Variants in FOXK2 observed in about 807,000 individuals in gnomAD.
FOXK2 encodes the protein forkhead box protein K2.
Under a neutral mutation model 53.3 loss-of-function variants are expected in FOXK2, and 24 were observed. That is an observed-to-expected ratio of 0.45 (90% CI 0.33 to 0.63). FOXK2 has a LOEUF of 0.63. FOXK2 is among the 30% of genes least tolerant of loss of function. FOXK2 has a pLI of 0.03. For synonymous variants in FOXK2, 505 were observed against 407.1 expected (o/e 1.24, Z -2.89); for missense variants, 952 against 910.5 (o/e 1.05, Z -0.59).
At chr17:82,592,786 TGA>T (rs2045265153) in intron 8 of FOXK2, among the ~76,000 whole-genome samples, 1 of 152,184 alleles carries the variant, frequency 6.6e-6, no homozygotes, top group Non-Finnish European at 1.5e-5. Context: ...CGCTTCGCAG[TGA>T]GAGTGAAATG....
intron 1 of FOXK2, chr17:82,559,282 C>T (rs1218262188): frequency 4.6e-6 from 2 of 438,568 alleles, no homozygotes; most frequent in South Asian, 1.6e-5. Flanking sequence ...TGAGGTTGCG[C>T]GGTTGGTGCT....
intron 4 of FOXK2, among the ~76,000 whole-genome samples, chr17:82,581,568 C>G (rs561572313): frequency 1.3e-5 from 2 of 151,822 alleles, no homozygotes; most frequent in South Asian, 4.2e-4. Flanking sequence ...CTCTGCCTCC[C>G]GGGTTCACAC....
chr17:82,526,424 T>C (rs1599876353), intron 1 of FOXK2, among the ~76,000 whole-genome samples: 1 of 151,346 alleles, frequency 6.6e-6, no homozygotes, highest in Non-Finnish European at 1.5e-5. Flanking sequence ...GGAGTGGAGG[T>C]AGAAGGAGTG....
At chr17:82,574,204 C>T (rs1248013319) in intron 4 of FOXK2, among the ~76,000 whole-genome samples, 1 of 152,204 alleles carries the variant, frequency 6.6e-6, no homozygotes, top group Non-Finnish European at 1.5e-5. Flanking sequence ...ACAGCTGCAT[C>T]TCTTTCCCCA....
chr17:82,524,740 G>A (rs886588297), intron 1 of FOXK2, among the ~76,000 whole-genome samples: 4 of 152,216 alleles, frequency 2.6e-5, no homozygotes, highest in Admixed American at 2.6e-4. Flanking sequence ...GTGTTCCTGG[G>A]AGACTGGAGG....
intron 1 of FOXK2, among the ~76,000 whole-genome samples, chr17:82,552,325 C>G (rs887015653): frequency 6.6e-6 from 1 of 152,208 alleles, no homozygotes; most frequent in African/African-American, 2.4e-5. Context: ...CTCTCCCTCT[C>G]CTTAAACATT....
intron 1 of FOXK2, among the ~76,000 whole-genome samples, chr17:82,522,262 C>T (rs2044370876): frequency 6.6e-6 from 1 of 151,764 alleles, no homozygotes; most frequent in Non-Finnish European, 1.5e-5. Flanking sequence ...TTTGAAGTTG[C>T]TGTGAGCTAT....
intron 1 of FOXK2, among the ~76,000 whole-genome samples, chr17:82,562,830 G>A (rs576863728): frequency 1.3e-5 from 2 of 151,360 alleles, no homozygotes; most frequent in East Asian, 3.9e-4. Context: ...TTGGTCGGGG[G>A]AGACAGGGCC....
At position 82,601,373 on chromosome 17, in the gene FOXK2, C is replaced by A. The variant is rs1280083194; in HGVS notation, c.1857C>A (p.His619Gln). Residue 619 changes from histidine (H) to glutamine (Q), a missense_variant, in exon 9 of 9, where the codon CAC (histidine) becomes CAA (glutamine). His to Gln is a conservative substitution (Grantham distance 24). Coordinates refer to ENST00000335255, the MANE Select transcript of FOXK2 (RefSeq NM_004514.4). ...CGGCCTCCCTGCCCACAAAGCGCCACAACGGTGACCAGCCGGAGCAGCCGG... is the reference window on the plus strand; with the variant it reads ...CGGCCTCCCTGCCCACAAAGCGCCAAAACGGTGACCAGCCGGAGCAGCCGG... The part of the protein sequence containing the change: ...SASASLPTKR[H>Q]NGDQPEQPEL... The A allele has an allele frequency of 6.2e-7, 1 of 1,613,404 alleles. No individual in the cohort carries two copies. Among genetic ancestry groups the A allele is most frequent in the East Asian group, 2.2e-5 (1 of 44,878 alleles).
At chr17:82,596,794 T>C (rs189287177) in intron 8 of FOXK2, among the ~76,000 whole-genome samples, 56 of 152,322 alleles carry the variant, frequency 3.7e-4, no homozygotes, top group African/African-American at 1.3e-3. Flanking sequence ...TCTCTGCCGA[T>C]CTCCTTGATT....
chr17:82,585,965 C>G lies in FOXK2; in HGVS notation c.1341C>G (p.Ile447Met). 1.2e-6 allele frequency: 2 copies of G among 1,612,802 alleles called. No individual in the cohort carries two copies. Among genetic ancestry groups the G allele is most frequent in the South Asian group, 1.1e-5 (1 of 91,090 alleles). The change falls in exon 7 of 9, where the codon ATC becomes ATG. Residue 447 changes from isoleucine (I) to methionine (M), a missense_variant. Physicochemically the swap from Ile to Met is conservative, Grantham distance 10. This residue lies in a region of FOXK2 where 551 missense variants were observed against 385.1 expected (regional missense o/e 1.43). Coordinates refer to ENST00000335255, the MANE Select transcript of FOXK2 (RefSeq NM_004514.4). ...TCCAGCGGCAGCTACCACAGGCCAT[C>G]AAGCCTGTCACCTACACTGTGGCCA... ...ITVQRQLPQA[I>M]KPVTYTVATP... is the part of the protein sequence containing the mutation.
At chr17:82,571,217 AT>A (rs2044913960) in intron 3 of FOXK2, among the ~76,000 whole-genome samples, 1 of 151,924 alleles carries the variant, frequency 6.6e-6, no homozygotes, top group East Asian at 1.9e-4. Context: ...TGACATTTGG[AT>A]TTTTTCCTTA....
intron 1 of FOXK2, among the ~76,000 whole-genome samples, chr17:82,557,128 G>A (rs1414367574): frequency 6.6e-6 from 1 of 151,446 alleles, no homozygotes. Flanking sequence ...CACCTCCCAG[G>A]CTCAAGCAAT....
intron 1 of FOXK2, among the ~76,000 whole-genome samples, chr17:82,533,699 A>G (rs1477561433): frequency 6.6e-6 from 1 of 152,084 alleles, no homozygotes; most frequent in African/African-American, 2.4e-5. Context: ...TTTCAGCTCC[A>G]TCATAATCTT....
At chr17:82,536,380 C>T (rs1220550639) in intron 1 of FOXK2, among the ~76,000 whole-genome samples, 2 of 152,176 alleles carry the variant, frequency 1.3e-5, no homozygotes, top group African/African-American at 4.8e-5. Flanking sequence ...AACGCAGTAG[C>T]TCTGGAAATC....
At chr17:82,593,575 C>CCGGCCCCACAGAGGAATTA (rs1197903378) in intron 8 of FOXK2, 16 of 152,510 alleles carry the variant, frequency 1.0e-4, no homozygotes, top group African/African-American at 3.4e-4. Context: ...CTTCTGGCTC[C>CCGGCCCCACAGAGGAATTA]CGGCCCCACA....
At chr17:82,557,292 A>T (rs924583531) in intron 1 of FOXK2, among the ~76,000 whole-genome samples, 2 of 151,792 alleles carry the variant, frequency 1.3e-5, no homozygotes, top group African/African-American at 4.8e-5. Context: ...TCAGCCTCCC[A>T]AAGTGCTGGG....
chr17:82,556,195 C>T (rs1277490575), intron 1 of FOXK2, among the ~76,000 whole-genome samples: 1 of 152,068 alleles, frequency 6.6e-6, no homozygotes, highest in East Asian at 1.9e-4. Context: ...CCTGTAATCC[C>T]AGCACTTTGG....
Position 82,586,108 on chromosome 17 carries a change from C to G in FOXK2, c.1484C>G (p.Thr495Ser), listed in dbSNP as rs775313730. 1.9e-6 allele frequency: 3 copies of G among 1,612,606 alleles called. No individual in the cohort carries two copies. Among genetic ancestry groups the G allele is most frequent in the Admixed American group, 1.7e-5 (1 of 59,988 alleles). Residue 495 changes from threonine to serine, a missense_variant, in exon 7 of 9, where the codon ACT becomes AGT. Transcript: ENST00000335255. ...VAGLAPANTY[T>S]VSGQAVVTPA... ...GGACTGGCCCCAGCGAACACGTACA[C>G]TGTCTCTGGACAAGCTGTGGTCACC...
Sources: gnomAD v4.1 joint callset for allele counts (sites outside exome capture counted in the v4.1 genomes callset) on GRCh38, gnomAD v4.1.1 for gene constraint, gnomAD v4.1.1 regional missense constraint, MANE v1.5 for transcripts, NCBI Gene and HGNC (gene_info 2026-07-23, HGNC 2026-07-21) for gene names.